EML6: variants seen among roughly 807,000 people sequenced by gnomAD.
The protein encoded by EML6 is echinoderm microtubule-associated protein-like 6.
EML6 carries 154 observed loss-of-function variants against 240.1 expected under a neutral mutation model. That is an observed-to-expected ratio of 0.64 (90% CI 0.56 to 0.73). The LOEUF is 0.73. Among genes scored for constraint, EML6 ranks in the 30% least tolerant of loss-of-function variants. EML6 has a pLI of 0.00. For synonymous variants in EML6, 1,148 were observed against 899.0 expected (o/e 1.28, Z -4.95); for missense variants, 2,964 against 2,474.6 (o/e 1.20, Z -4.20).
At chr2:54,810,543 T>C (rs1482947027) in intron 2 of EML6, among the ~76,000 whole-genome samples, 2 of 152,188 alleles carry the variant, frequency 1.3e-5, no homozygotes, top group African/African-American at 2.4e-5. Flanking sequence ...GATTTTAAAA[T>C]AGAAGCTGTG....
chr2:54,818,734 A>G (rs1223146128), intron 4 of EML6, among the ~76,000 whole-genome samples: 1 of 152,212 alleles, frequency 6.6e-6, no homozygotes, highest in East Asian at 1.9e-4. Context: ...AAATGTAAAA[A>G]GTATAATAGG....
chr2:54,782,115 A>C (rs571526510), intron 2 of EML6, among the ~76,000 whole-genome samples: 1 of 152,318 alleles, frequency 6.6e-6, no homozygotes, highest in East Asian at 1.9e-4. Context: ...CAAAGTAATA[A>C]AACATTTAAA....
intron 21 of EML6, among the ~76,000 whole-genome samples, chr2:54,896,292 G>A (rs1021554789): frequency 1.3e-5 from 2 of 152,154 alleles, no homozygotes; most frequent in Non-Finnish European, 2.9e-5. Flanking sequence ...CAAATTACCT[G>A]CTCCCCACAT....
At chr2:54,889,081 C>G (rs985832116) in intron 17 of EML6, among the ~76,000 whole-genome samples, 1 of 152,128 alleles carries the variant, frequency 6.6e-6, no homozygotes, top group East Asian at 1.9e-4. Flanking sequence ...TATGTAAAAC[C>G]TTGTCTTTGT....
At chr2:54,778,760 C>T (rs1335148457) in intron 2 of EML6, among the ~76,000 whole-genome samples, 1 of 151,242 alleles carries the variant, frequency 6.6e-6, no homozygotes, top group Non-Finnish European at 1.5e-5. Context: ...CGTGTGGTGG[C>T]GGGTGCCTGT....
rs575577249 is a variant in EML6, at chr2:54,752,402, T to A, written c.197+27144T>A. ...TATACCCATATAACTACTACCCAGA[T>A]CAAGAAATAGAACATTAATGCAGCC... On this transcript the variant is annotated intron_variant, in intron 2 of 41. Coordinates refer to ENST00000356458, the MANE Select transcript of EML6 (RefSeq NM_001039753.4). 3.3e-5 allele frequency among the ~76,000 whole-genome samples: 5 copies of A among 152,254 alleles called. No homozygotes were observed. The South Asian group carries it at 1.0e-3, about 32-fold the overall frequency.
chr2:54,877,562 A>G lies in EML6; in HGVS notation c.2345-1985A>G, dbSNP rs531207452. Among the ~76,000 whole-genome samples the G allele has an allele frequency of 4.0e-4, 61 of 152,338 alleles. 4 individuals carry two copies. Among genetic ancestry groups the G allele is most frequent in the Non-Finnish European group, 1.2e-4 (8 of 68,036 alleles). On this transcript the variant is annotated intron_variant, in intron 16 of 41. Transcript: ENST00000356458. ...ATAGAAACAACCAGACCATATCAAG[A>G]GATGTGGAAAAAGTAATGTTGGTAA...
At chr2:54,737,590 C>T (rs1307684655) in intron 2 of EML6, among the ~76,000 whole-genome samples, 2 of 152,206 alleles carry the variant, frequency 1.3e-5, no homozygotes, top group East Asian at 3.8e-4. Flanking sequence ...TCTTTTCTCT[C>T]CTTTTCTCTT....
chr2:54,937,297 G>C (rs1172411738), intron 28 of EML6, among the ~76,000 whole-genome samples: 3 of 147,352 alleles, frequency 2.0e-5, no homozygotes, highest in Non-Finnish European at 4.5e-5. Flanking sequence ...AAAAGAAGAA[G>C]TCTTAGGCTA....
intron 16 of EML6, among the ~76,000 whole-genome samples, chr2:54,876,516 C>G (rs917809901): frequency 2.9e-4 from 44 of 152,190 alleles, no homozygotes; most frequent in Admixed American, 1.2e-3. Flanking sequence ...CCGGCAAAAT[C>G]AGCTTATCCT....
rs1462827271 is a variant in EML6 at position 54,957,773 on chromosome 2, C to T, written c.4487-17C>T. 2.0e-5 allele frequency: 31 copies of T among 1,549,180 alleles called. No homozygotes were observed. Among genetic ancestry groups the T allele is most frequent in the Non-Finnish European group, 8.7e-7 (1 of 1,146,678 alleles). On this transcript the variant is annotated splice_polypyrimidine_tract_variant and intron_variant, in intron 32 of 41. Coordinates refer to ENST00000356458, the MANE Select transcript of EML6 (RefSeq NM_001039753.4). ...TGAAGCAATGAGGAGCCTCACTGGA[C>T]TCTGTCACCCACACAGGTGCCAAGG... is the stretch of plus-strand genomic sequence containing the variant.
chr2:54,911,094 G>T, intron 25 of EML6, 52 bp downstream of exon 25: 2 of 948,132 alleles, frequency 2.1e-6, no homozygotes, highest in Admixed American at 2.2e-5. Flanking sequence ...GATTTAATAT[G>T]TGCATTTTAA....
intron 17 of EML6, among the ~76,000 whole-genome samples, chr2:54,890,801 A>G (rs1212046333): frequency 6.6e-6 from 1 of 152,216 alleles, no homozygotes. Flanking sequence ...TGTTTTAAAT[A>G]TTTCATTACT....
intron 7 of EML6, among the ~76,000 whole-genome samples, chr2:54,841,605 C>CTTT (rs1669458495): frequency 3.2e-5 from 2 of 62,692 alleles, no homozygotes; most frequent in Non-Finnish European, 6.7e-5. Context: ...TTTTTTTTTT[C>CTTT]TTTTGAGACA....
chr2:54,892,606 A>G lies in EML6; in HGVS notation c.2692A>G (p.Thr898Ala), dbSNP rs1672531564. The change falls in exon 19 of 42, where the codon ACA becomes GCA. Residue 898 changes from threonine to alanine, a missense_variant. Coordinates refer to ENST00000356458, the MANE Select transcript of EML6 (RefSeq NM_001039753.4). The stretch of plus-strand genomic sequence containing the variant: ...TTGGAAAGACATTCTACTACTGAAG[A>G]CAGTGAAAGCTCATGATGGGCCTGT... The part of the protein sequence containing the change: ...FIWKDILLLK[T>A]VKAHDGPVFA... 2.6e-6 allele frequency: 4 copies of G among 1,551,834 alleles called. No homozygotes were observed. Among genetic ancestry groups the G allele is most frequent in the Non-Finnish European group, 3.5e-6 (4 of 1,146,906 alleles).
At chr2:54,889,813 A>G (rs1414268280) in intron 17 of EML6, among the ~76,000 whole-genome samples, 4 of 152,226 alleles carry the variant, frequency 2.6e-5, no homozygotes, top group Non-Finnish European at 5.9e-5. Flanking sequence ...GTTAAATGGT[A>G]GTGGTAATTA....
intron 2 of EML6, among the ~76,000 whole-genome samples, chr2:54,768,336 T>C (rs1668275369): frequency 6.6e-6 from 1 of 152,168 alleles, no homozygotes; most frequent in Admixed American, 6.5e-5. Context: ...ATCTTATTGC[T>C]AGAACTACTG....
intron 17 of EML6, among the ~76,000 whole-genome samples, chr2:54,883,713 C>T (rs532490919): frequency 6.6e-6 from 1 of 152,186 alleles, no homozygotes; most frequent in Admixed American, 6.5e-5. Context: ...TTTGCTTACA[C>T]ATACACACAT....
intron 2 of EML6, among the ~76,000 whole-genome samples, chr2:54,756,708 T>G (rs1558528261): frequency 6.6e-6 from 1 of 152,078 alleles, no homozygotes; most frequent in Non-Finnish European, 1.5e-5. Flanking sequence ...CTAATTTATT[T>G]TTGTTGTGGT....
Sources: allele counts gnomAD v4.1 joint callset (sites outside exome capture counted in the v4.1 genomes callset), GRCh38; gene constraint gnomAD v4.1.1; transcripts MANE v1.5; gene names NCBI Gene and HGNC (gene_info 2026-07-23, HGNC 2026-07-21).